The following DEFB134 variants were observed in gnomAD, a reference collection of about 807,000 sequenced individuals.
The protein encoded by DEFB134 is beta-defensin 134.
Under a neutral mutation model 7.4 loss-of-function variants are expected in DEFB134, and 7 were observed. That is an observed-to-expected ratio of 0.95 (90% CI 0.54 to 1.79). DEFB134 has a LOEUF of 1.79. Among genes scored for constraint, DEFB134 ranks in the 40% most tolerant of loss-of-function variants. DEFB134 has a pLI of 0.00. For synonymous variants in DEFB134, 33 were observed against 25.0 expected, an observed-to-expected ratio of 1.32 and a Z score of -0.96; for missense variants, 105 against 74.8, an observed-to-expected ratio of 1.40 and a Z score of -1.49.
At chr8:11,997,078 C>T (rs1281888530), upstream of DEFB134, among the ~76,000 whole-genome samples, 3 of 152,162 alleles carry the variant, frequency 2.0e-5, no homozygotes, top group African/African-American at 7.2e-5. Flanking sequence ...CCTCCTGATT[C>T]TCTTTCACCT....
exon 2 of DEFB134, chr8:11,993,933 C>G (rs775180293): frequency 1.9e-6 from 3 of 1,583,654 alleles, no homozygotes; most frequent in Non-Finnish European, 2.6e-6. Flanking sequence ...TGAAAGATGG[C>G]AGAATCAAGG....
chr8:11,997,051 G>A (rs1010560273), upstream of DEFB134, among the ~76,000 whole-genome samples: 9 of 151,950 alleles, frequency 5.9e-5, 1 homozygote, highest in Admixed American at 5.2e-4. Flanking sequence ...ATTTTTTCAT[G>A]CCTTCTGTAA....
chr8:11,994,040 C>G, exon 2 of DEFB134: 1 of 1,613,952 alleles, frequency 6.2e-7, no homozygotes, highest in Non-Finnish European at 8.5e-7. Context: ...AGGCAACTAA[C>G]ATTTCACTCT....
chr8:11,996,353 G>C, upstream of DEFB134: 1 of 1,336,562 alleles, frequency 7.5e-7, no homozygotes, highest in Non-Finnish European at 1.1e-6. Context: ...AAACCTCTCA[G>C]GGCTGGGGTA....
At chr8:11,996,097 T>A (rs1800112953) in intron 1 of DEFB134, 97 bp downstream of exon 2, 2 of 1,421,960 alleles carry the variant, frequency 1.4e-6, no homozygotes, top group Non-Finnish European at 1.9e-6. Context: ...AGCTTGAAAA[T>A]TAAAGGGCCC....
chr8:11,994,851 C>A (rs999251541), intron 1 of DEFB134, among the ~76,000 whole-genome samples: 1 of 151,962 alleles, frequency 6.6e-6, no homozygotes, highest in Non-Finnish European at 1.5e-5. Context: ...AGAAGAAATA[C>A]AAAATATCTC....
At chr8:11,993,822 A>C (rs1800042352) in exon 2 of DEFB134, 5 of 982,726 alleles carry the variant, frequency 5.1e-6, no homozygotes, top group South Asian at 2.2e-5. Flanking sequence ...CAGCTCTTTA[A>C]ATTTAAGACC....
At chr8:12,000,558 C>T (rs2150562294), upstream of DEFB134, among the ~76,000 whole-genome samples, 1 of 152,172 alleles carries the variant, frequency 6.6e-6, no homozygotes, top group Middle Eastern at 3.4e-3. Flanking sequence ...TCTATACATG[C>T]AGACCTATGA....
upstream of DEFB134, among the ~76,000 whole-genome samples, chr8:11,997,042 T>G (rs1230081480): frequency 2.0e-5 from 3 of 152,194 alleles, no homozygotes; most frequent in African/African-American, 4.8e-5. Flanking sequence ...CCCCCTAACA[T>G]TTTTTCATGC....
intron 1 of DEFB134, among the ~76,000 whole-genome samples, chr8:11,995,566 G>C (rs1159941717): frequency 6.6e-6 from 1 of 152,122 alleles, no homozygotes; most frequent in Non-Finnish European, 1.5e-5. Flanking sequence ...ATCTGATCAG[G>C]CATTTCTTCT....
exon 1 of DEFB134, chr8:11,996,286 G>C (rs1800121049): frequency 6.2e-7 from 1 of 1,611,372 alleles, no homozygotes; most frequent in African/African-American, 1.3e-5. Context: ...CTAGTGGCAG[G>C]GTCTGACATC....
intron 1 of DEFB134, among the ~76,000 whole-genome samples, chr8:11,994,746 A>G (rs1800072400): frequency 6.6e-6 from 1 of 152,190 alleles, no homozygotes; most frequent in African/African-American, 2.4e-5. Context: ...TCATAAACCA[A>G]TTTTTATAAA....
intron 1 of DEFB134, 86 bp downstream of exon 2, chr8:11,996,108 A>G (rs1800113315): frequency 4.7e-6 from 7 of 1,501,992 alleles, no homozygotes; most frequent in Non-Finnish European, 6.5e-6. Flanking sequence ...TAAAGGGCCC[A>G]TGGGTGGTGT....
intron 1 of DEFB134, among the ~76,000 whole-genome samples, chr8:11,995,816 C>T (rs568618043): frequency 1.3e-5 from 2 of 152,298 alleles, no homozygotes; most frequent in South Asian, 2.1e-4. Context: ...ACAATGATAG[C>T]TCTCATGAGC....
At chr8:11,996,355 G>A (rs1800123791), upstream of DEFB134, 4 of 1,281,864 alleles carry the variant, frequency 3.1e-6, no homozygotes, top group South Asian at 3.8e-5. Flanking sequence ...ACCTCTCAGG[G>A]CTGGGGTATG....
Position 11,996,084 on chromosome 8 carries a change from TC to T in DEFB134, c.58+109del, listed in dbSNP as rs532637461. ...ACATCAAAACTAGTTGATGCTTTTTTCTAGCTTGAAAATTAAAGGGCCCATG... is the reference window on the plus strand; with the variant it reads ...ACATCAAAACTAGTTGATGCTTTTTTTAGCTTGAAAATTAAAGGGCCCATG... On this transcript the variant is annotated intron_variant, in intron 1 of 1. Coordinates refer to ENST00000526438, the Ensembl canonical transcript of DEFB134. The T allele has an allele frequency of 2.3e-5, 31 of 1,336,038 alleles. No homozygotes were observed. In the African/African-American group the frequency reaches 4.4e-4, roughly 19 times the overall value. 82.8% of individuals were successfully genotyped at this position (1,336,038 alleles called of 1,614,324 possible).
chr8:12,000,334 T>A (rs904517682), upstream of DEFB134, among the ~76,000 whole-genome samples: 4 of 152,228 alleles, frequency 2.6e-5, no homozygotes, highest in Non-Finnish European at 5.9e-5. Context: ...GTCTTATTTA[T>A]CATTTTACAC....
At chr8:11,997,316 G>A (rs545499541), upstream of DEFB134, among the ~76,000 whole-genome samples, 115 of 152,266 alleles carry the variant, frequency 7.6e-4, 2 homozygotes, top group Non-Finnish European at 1.3e-3. Flanking sequence ...ATCCAGTCAC[G>A]TATTGATTGA....
Position 11,996,183 on chromosome 8 carries a change from G to A in DEFB134, c.58+11C>T, listed in dbSNP as rs373898291. 6.2e-6 allele frequency: 10 copies of A among 1,613,242 alleles called. No homozygotes were observed. The African/African-American group carries it at 1.3e-4, about 22-fold the overall frequency. ...GAAGCACCCCTACCCCCCAAAATAT[G>A]CCAGTTTTACCTGCCAGCACTGGAT... On this transcript the variant is annotated intron_variant, in intron 1 of 1. Coordinates refer to ENST00000526438, the Ensembl canonical transcript of DEFB134.
Sources: allele counts gnomAD v4.1 joint callset (sites outside exome capture counted in the v4.1 genomes callset), GRCh38; gene constraint gnomAD v4.1.1; transcripts MANE v1.5; gene names NCBI Gene and HGNC (gene_info 2026-07-23, HGNC 2026-07-21).